Variants in RNF180 observed in about 807,000 individuals in gnomAD.
The protein encoded by RNF180 is ring finger protein 180, also known as E3 ubiquitin-protein ligase RNF180.
In RNF180, 38 loss-of-function variants were observed where a neutral mutation model predicts 59.2. The observed-to-expected ratio is 0.64, with a 90% CI of 0.50 to 0.84. RNF180 has a LOEUF of 0.84. RNF180 is among the 40% of genes least tolerant of loss of function. The pLI, the probability that RNF180 is intolerant of heterozygous loss-of-function variation, is 0.00. For missense variants in RNF180, 705 were observed against 700.9 expected (o/e 1.01, Z -0.07); for synonymous variants, 262 against 240.3 (o/e 1.09, Z -0.84).
At chr5:64,262,293 G>A (rs184278076) in intron 5 of RNF180, among the ~76,000 whole-genome samples, 97 of 152,198 alleles carry the variant, frequency 6.4e-4, no homozygotes, top group African/African-American at 2.3e-3. Context: ...ACATAAATAA[G>A]TAAAAGCAGT....
At chr5:64,197,749 G>A (rs1434980001) in intron 1 of RNF180, among the ~76,000 whole-genome samples, 2 of 152,146 alleles carry the variant, frequency 1.3e-5, no homozygotes, top group African/African-American at 4.8e-5. Flanking sequence ...GTTGAAGTCA[G>A]TACCTTTTCG....
rs1311550858 is a variant in RNF180 at position 64,369,795 on chromosome 5, A to G, written c.1760A>G (p.Tyr587Cys). ...IGFIVFCFLC[Y>C]FFFPF ...TTCATTGTTTTCTGCTTTCTTTGCTATTTTTTCTTTCCGTTTTAGGAATTT... is the reference window on the plus strand; with the variant it reads ...TTCATTGTTTTCTGCTTTCTTTGCTGTTTTTTCTTTCCGTTTTAGGAATTT... Residue 587 changes from tyrosine (Y) to cysteine (C), a missense_variant, in exon 8 of 8, where the codon TAT (tyrosine) becomes TGT (cysteine). Coordinates refer to ENST00000389100, the MANE Select transcript of RNF180 (RefSeq NM_001113561.2). 1 of 1,513,686 alleles carries G rather than the reference A, an allele frequency of 6.6e-7. No homozygotes were observed. The highest frequency in any genetic ancestry group is 1.4e-5 in the African/African-American group (1 of 71,116). The allele number at this position is 1,513,686 out of a possible 1,614,324, so 93.8% of individuals were successfully genotyped here.
At chr5:64,205,858 A>G (rs968677112) in intron 2 of RNF180, among the ~76,000 whole-genome samples, 2 of 152,128 alleles carry the variant, frequency 1.3e-5, no homozygotes, top group African/African-American at 4.8e-5. Flanking sequence ...TCATATAGGA[A>G]CACTTACAGG....
At chr5:64,350,850 C>A (rs1745773179) in intron 7 of RNF180, among the ~76,000 whole-genome samples, 1 of 152,092 alleles carries the variant, frequency 6.6e-6, no homozygotes, top group Non-Finnish European at 1.5e-5. Flanking sequence ...CATGATGCCT[C>A]CAGCTTTGTT....
chr5:64,252,428 G>A (rs937079961), intron 5 of RNF180, among the ~76,000 whole-genome samples: 2 of 152,142 alleles, frequency 1.3e-5, no homozygotes, highest in African/African-American at 2.4e-5. Context: ...GAGAGTGGAC[G>A]TAAAGTGTTC....
At chr5:64,343,531 TAGAA>T (rs1438902933) in intron 7 of RNF180, among the ~76,000 whole-genome samples, 4 of 151,338 alleles carry the variant, frequency 2.6e-5, no homozygotes, top group East Asian at 2.0e-4. Context: ...TTAGGATAAA[TAGAA>T]AGAAAACCAT....
At chr5:64,290,903 CTTGT>C (rs1256388670) in intron 5 of RNF180, among the ~76,000 whole-genome samples, 2 of 151,594 alleles carry the variant, frequency 1.3e-5, no homozygotes, top group Non-Finnish European at 3.0e-5. Flanking sequence ...ATTTTGCAGA[CTTGT>C]TTATGTGGTT....
rs1457195138 is a variant in RNF180 at position 64,371,833 on chromosome 5, C to T, written c.*2019C>T. On this transcript the variant is annotated 3_prime_UTR_variant, in exon 8 of 8. Transcript: ENST00000389100. ...TAAATATTAAGAAGTATAGCATTTC[C>T]TAGATCTACCAGCTTATAAGAAGCC... is the stretch of plus-strand genomic sequence containing the variant. 1 of 151,446 alleles carries T rather than the reference C, an allele frequency of 6.6e-6. No homozygotes were observed. The highest frequency in any genetic ancestry group is 1.5e-5 in the Non-Finnish European group (1 of 67,658). 9.4% of individuals were successfully genotyped at this position (151,446 alleles called of 1,614,324 possible). A position where few individuals can be genotyped will look rare whatever the true frequency, so the allele number is the denominator to read the frequency against.
chr5:64,173,607 A>G (rs556337140), intron 1 of RNF180, among the ~76,000 whole-genome samples: 3 of 149,990 alleles, frequency 2.0e-5, no homozygotes, highest in African/African-American at 7.4e-5. Flanking sequence ...CTATTGACCA[A>G]TCTCTCTCCC....
chr5:64,168,340 G>T (rs1749757394), intron 1 of RNF180, among the ~76,000 whole-genome samples: 1 of 152,166 alleles, frequency 6.6e-6, no homozygotes, highest in Non-Finnish European at 1.5e-5. Flanking sequence ...TACGAAGGCA[G>T]TTTTAAAAGG....
At chr5:64,321,847 A>T (rs1744368231) in intron 5 of RNF180, among the ~76,000 whole-genome samples, 2 of 152,298 alleles carry the variant, frequency 1.3e-5, no homozygotes, top group South Asian at 4.1e-4. Flanking sequence ...GACCTCAGAA[A>T]TAACACCACA....
At position 64,370,721 on chromosome 5, in the gene RNF180, C is replaced by A. The variant is rs1035092822; in HGVS notation, c.*907C>A. On this transcript the variant is annotated 3_prime_UTR_variant, in exon 8 of 8. Coordinates refer to ENST00000389100, the MANE Select transcript of RNF180 (RefSeq NM_001113561.2). ...AATTACAGTAATCATTAATTTTTTT[C>A]ATTATTAAAATTTAAAAATAAGAGA... The A allele has an allele frequency of 2.6e-5, 4 of 150,946 alleles. No homozygotes were observed. Among genetic ancestry groups the A allele is most frequent in the African/African-American group, 9.7e-5 (4 of 41,172 alleles). The allele number at this position is 150,946 out of a possible 1,614,324, so 9.4% of individuals were successfully genotyped here.
At chr5:64,236,592 G>T (rs970205872) in intron 5 of RNF180, among the ~76,000 whole-genome samples, 1 of 152,160 alleles carries the variant, frequency 6.6e-6, no homozygotes, top group Non-Finnish European at 1.5e-5. Context: ...GTAATGAGAA[G>T]ATGAATATTA....
intron 5 of RNF180, among the ~76,000 whole-genome samples, chr5:64,241,839 T>C (rs1742828650): frequency 6.6e-6 from 1 of 152,120 alleles, no homozygotes. Context: ...GATACTGTTT[T>C]CCTGGGGGAA....
At chr5:64,265,924 G>A (rs985275323) in intron 5 of RNF180, among the ~76,000 whole-genome samples, 16 of 152,094 alleles carry the variant, frequency 1.1e-4, no homozygotes, top group African/African-American at 3.6e-4. Context: ...TCTCCTTCAA[G>A]AGGTCCTTCA....
chr5:64,237,333 A>G (rs1742503555), intron 5 of RNF180, among the ~76,000 whole-genome samples: 1 of 152,114 alleles, frequency 6.6e-6, no homozygotes, highest in African/African-American at 2.4e-5. Flanking sequence ...GCCAGGTGTC[A>G]GGCTTGTATA....
chr5:64,268,943 C>T lies in RNF180; in HGVS notation c.1227+51547C>T, dbSNP rs115070498. ...AGCATAAAAATTCTCTATCAGGAAACCCCCAACCCTCTTACTTATTACTTC... is the reference window on the plus strand; with the variant it reads ...AGCATAAAAATTCTCTATCAGGAAATCCCCAACCCTCTTACTTATTACTTC... On this transcript the variant is annotated intron_variant, in intron 5 of 7. Coordinates refer to ENST00000389100, the MANE Select transcript of RNF180 (RefSeq NM_001113561.2). Among the ~76,000 whole-genome samples, 911 of 152,098 alleles carry T rather than the reference C, an allele frequency of 6.0e-3. 12 individuals are homozygous for T. The highest frequency in any genetic ancestry group is 0.021 in the African/African-American group (877 of 41,448).
At chr5:64,183,591 G>A (rs1447902439) in intron 1 of RNF180, among the ~76,000 whole-genome samples, 3 of 151,826 alleles carry the variant, frequency 2.0e-5, no homozygotes, top group Non-Finnish European at 4.4e-5. Flanking sequence ...GGGATTACAG[G>A]CGTGTGCCAC....
chr5:64,165,842 C>A (rs1389511251), upstream of RNF180: 1 of 152,050 alleles, frequency 6.6e-6, no homozygotes, highest in Admixed American at 6.6e-5. Flanking sequence ...CCCGTCTCGC[C>A]GAACCGGCAT....
Sources: allele counts gnomAD v4.1 joint callset (sites outside exome capture counted in the v4.1 genomes callset), GRCh38; gene constraint gnomAD v4.1.1; transcripts MANE v1.5; gene names NCBI Gene and HGNC (gene_info 2026-07-23, HGNC 2026-07-21).